Variants in GSDMC observed in about 807,000 individuals in gnomAD.
GSDMC encodes the protein gasdermin-C.
A neutral mutation model predicts 58.0 loss-of-function variants in GSDMC; 59 were observed. The observed-to-expected ratio is 1.02, with a 90% CI of 0.82 to 1.26. The LOEUF (loss-of-function observed/expected upper bound fraction) is 1.26, where lower values mean the gene tolerates loss of function less well. GSDMC is among the 50% of genes most tolerant of loss of function. The pLI is 0.00. For synonymous variants in GSDMC, 241 were observed against 220.2 expected (o/e 1.09, Z -0.83); for missense variants, 659 against 598.5 (o/e 1.10, Z -1.06).
chr8:129,777,415 A>G lies in GSDMC; in HGVS notation c.173T>C (p.Val58Ala). The G allele has an allele frequency of 1.9e-6, 3 of 1,613,804 alleles. No homozygotes were observed. Among genetic ancestry groups the G allele is most frequent in the Non-Finnish European group, 2.5e-6 (3 of 1,179,672 alleles). ...CAGGATGTCATTGAGGGAGAATTCA[A>G]CTGGAACATAGTCAGATTGTTCCCA... ...SFWEQSDYVPVEFSLNDILEP... is the reference protein window; with the variant it reads ...SFWEQSDYVPAEFSLNDILEP... The change falls in exon 2 of 14, where the codon GTT (valine) becomes GCT (alanine). Residue 58 changes from valine (V) to alanine (A), a missense_variant. Physicochemically the swap from Val to Ala is moderately conservative, Grantham distance 64. Coordinates refer to ENST00000276708, the MANE Select transcript of GSDMC (RefSeq NM_031415.3).
chr8:129,714,688 C>A, the GSDMC span, among the ~76,000 whole-genome samples: 14 of 150,992 alleles, frequency 9.3e-5, no homozygotes, highest in Non-Finnish European at 1.8e-4. Flanking sequence ...TGGCCAAAAT[C>A]CTCTAAAATG....
rs1189148616 is a variant in GSDMC at position 129,748,530 on chromosome 8, A to G, written c.1498T>C (p.Ser500Pro). Reference protein sequence around the residue: ...MPLSALYGTLSLLQQLAEA With the variant: ...MPLSALYGTLPLLQQLAEA ...GCCTCAGCCAGCTGCTGCAGCAACGAGAGAGTCCCATAGAGGGCAGACAGG... is the reference window on the plus strand; with the variant it reads ...GCCTCAGCCAGCTGCTGCAGCAACGGGAGAGTCCCATAGAGGGCAGACAGG... Residue 500 changes from serine to proline, a missense_variant, in exon 14 of 14, where the codon TCG becomes CCG. Ser to Pro is a moderately conservative substitution (Grantham distance 74, BLOSUM62 -1). Coordinates refer to ENST00000276708, the MANE Select transcript of GSDMC (RefSeq NM_031415.3). 1.9e-6 allele frequency: 3 copies of G among 1,611,434 alleles called. No individual in the cohort carries two copies. Among genetic ancestry groups the G allele is most frequent in the African/African-American group, 1.3e-5 (1 of 74,782 alleles).
At chr8:129,730,209 G>C in the GSDMC span, 2 of 1,242,836 alleles carry the variant, frequency 1.6e-6, no homozygotes, top group Admixed American at 2.6e-5. Flanking sequence ...TCTAGAAGAA[G>C]AAATGAATAA....
At chr8:129,737,517 C>A in the GSDMC span, among the ~76,000 whole-genome samples, 1 of 152,104 alleles carries the variant, frequency 6.6e-6, no homozygotes, top group Non-Finnish European at 1.5e-5. Flanking sequence ...CTTTGACAAA[C>A]CTGACAAAAA....
chr8:129,758,220 C>T (rs2033518210), intron 6 of GSDMC, among the ~76,000 whole-genome samples: 1 of 152,128 alleles, frequency 6.6e-6, no homozygotes, highest in East Asian at 1.9e-4. Flanking sequence ...GATACCTCAA[C>T]ATGATAAAAG....
chr8:129,728,840 G>T, the GSDMC span: 1 of 597,176 alleles, frequency 1.7e-6, no homozygotes, highest in Non-Finnish European at 3.2e-6. Context: ...GAGGTAGCCC[G>T]CTGCTGGAGA....
chr8:129,778,796 C>A (rs189396425), intron 1 of GSDMC, among the ~76,000 whole-genome samples: 78 of 148,324 alleles, frequency 5.3e-4, no homozygotes, highest in African/African-American at 1.8e-3. Context: ...AGTGGGCAAA[C>A]GACATGAAGA....
intron 7 of GSDMC, 146 bp downstream of exon 7, chr8:129,752,552 A>T: frequency 7.8e-7 from 1 of 1,289,246 alleles, no homozygotes; most frequent in South Asian, 1.5e-5. Flanking sequence ...CTAAGCAAAA[A>T]AACACTGCCA....
chr8:129,730,258 G>A, the GSDMC span: 1 of 1,345,494 alleles, frequency 7.4e-7, no homozygotes, highest in Admixed American at 2.4e-5. Flanking sequence ...GGAAGTAAAG[G>A]AAGATCAGAG....
intron 3 of GSDMC, among the ~76,000 whole-genome samples, chr8:129,772,479 G>A (rs142052793): frequency 0.011 from 1,605 of 152,158 alleles, 15 homozygotes; most frequent in Middle Eastern, 0.031. Context: ...AAGATCATGA[G>A]AGCCTATTAT....
chr8:129,753,348 C>T (rs1331034971), intron 6 of GSDMC, among the ~76,000 whole-genome samples: 1 of 152,100 alleles, frequency 6.6e-6, no homozygotes, highest in African/African-American at 2.4e-5. Context: ...TTGTGAGGCC[C>T]CCATTCCAAG....
At chr8:129,740,310 A>T in the GSDMC span, among the ~76,000 whole-genome samples, 21 of 152,330 alleles carry the variant, frequency 1.4e-4, no homozygotes, top group African/African-American at 5.0e-4. Context: ...ACTGTAGTGT[A>T]TAGCAATCCT....
chr8:129,753,825 C>A (rs1254857003), intron 6 of GSDMC, among the ~76,000 whole-genome samples: 2 of 152,098 alleles, frequency 1.3e-5, no homozygotes, highest in Non-Finnish European at 2.9e-5. Context: ...ACTCATGAGC[C>A]CTTGGGCTGT....
At chr8:129,750,942 T>C (rs529286201) in intron 10 of GSDMC, among the ~76,000 whole-genome samples, 1 of 152,314 alleles carries the variant, frequency 6.6e-6, no homozygotes, top group East Asian at 1.9e-4. Context: ...GGAATCAGTT[T>C]CCATATTGGT....
chr8:129,770,487 C>G (rs2034012336), intron 3 of GSDMC, among the ~76,000 whole-genome samples: 1 of 152,148 alleles, frequency 6.6e-6, no homozygotes, highest in Non-Finnish European at 1.5e-5. Flanking sequence ...CAGAGTAAGA[C>G]TGTCTCAAAA....
chr8:129,715,816 C>G, the GSDMC span, among the ~76,000 whole-genome samples: 1 of 152,022 alleles, frequency 6.6e-6, no homozygotes, highest in African/African-American at 2.4e-5. Context: ...TATCTTTAAA[C>G]AAACTAATCT....
intron 3 of GSDMC, among the ~76,000 whole-genome samples, chr8:129,774,383 C>T (rs1563810286): frequency 6.6e-6 from 1 of 151,980 alleles, no homozygotes; most frequent in South Asian, 2.1e-4. Context: ...TTACTTTATA[C>T]ACAAAGATCA....
At chr8:129,751,642 C>A in intron 9 of GSDMC, 74 bp from the exon 10 acceptor site, 1 of 1,373,818 alleles carries the variant, frequency 7.3e-7, no homozygotes, top group Non-Finnish European at 1.0e-6. Flanking sequence ...TTGGAGGGTT[C>A]TGCTCTCCTA....
chr8:129,765,866 T>C (rs1250658772), intron 3 of GSDMC, 73 bp from the exon 4 acceptor site: 2 of 1,319,814 alleles, frequency 1.5e-6, no homozygotes, highest in Non-Finnish European at 2.1e-6. Context: ...CTGGGTGCCC[T>C]TCTCCCCAAG....
Sources: allele counts gnomAD v4.1 joint callset (sites outside exome capture counted in the v4.1 genomes callset), GRCh38; gene constraint gnomAD v4.1.1; transcripts MANE v1.5; gene names NCBI Gene and HGNC (gene_info 2026-07-23, HGNC 2026-07-21).